Variants in ATP4A observed in about 807,000 individuals in gnomAD.
ATP4A encodes potassium-transporting ATPase alpha chain 1.
In ATP4A, 73 loss-of-function variants were observed where a neutral mutation model predicts 112.1. The observed-to-expected ratio is 0.65, with a 90% CI of 0.54 to 0.79. The LOEUF is 0.79. Among genes scored for constraint, ATP4A ranks in the 30% least tolerant of loss-of-function variants. ATP4A has a pLI of 0.00. For synonymous variants in ATP4A, 588 were observed against 588.9 expected, an observed-to-expected ratio of 1.00 and a Z score of 0.02; for missense variants, 1,081 against 1,425.9, an observed-to-expected ratio of 0.76 and a Z score of 3.90.
rs776042864 is a variant in ATP4A at position 35,560,631 on chromosome 19, A to G, written c.535-16T>C. On this transcript the variant is annotated splice_polypyrimidine_tract_variant and intron_variant, in intron 5 of 21. Transcript: ENST00000262623. This position sits in a 1 kb window ranked among gnomAD's most constrained non-coding sequence, Gnocchi z 5.1. Reference sequence around the variant, plus strand: ...CAGTGGCTTGCTGCGGGGCAGGGGCACCAAAGTTGAGGTGGACGGGGGTGG... The same window carrying G: ...CAGTGGCTTGCTGCGGGGCAGGGGCGCCAAAGTTGAGGTGGACGGGGGTGG... 1.1e-5 allele frequency: 18 copies of G among 1,586,124 alleles called. No individual in the cohort carries two copies. In the South Asian group the frequency reaches 1.8e-4, roughly 16 times the overall value.
chr19:35,557,694 C>A lies in ATP4A; in HGVS notation c.1654G>T (p.Ala552Ser). 1 of 1,609,280 alleles carries A rather than the reference C, an allele frequency of 6.2e-7. No individual in the cohort carries two copies. Among genetic ancestry groups the A allele is most frequent in the Non-Finnish European group, 8.5e-7 (1 of 1,178,522 alleles). ...DEQWREAFQT[A>S]YLSLGGLGER... ...CCCAGGCCTCCCAGGCTGAGGTAGGCGGTCTGGAAGGCCTCGCGCCACTGC... is the reference window on the plus strand; with the variant it reads ...CCCAGGCCTCCCAGGCTGAGGTAGGAGGTCTGGAAGGCCTCGCGCCACTGC... Residue 552 changes from alanine to serine, a missense_variant, in exon 11 of 22, where the codon GCC becomes TCC. Ala to Ser is a moderately conservative substitution (Grantham distance 99). This residue lies in a region of ATP4A where 850 missense variants were observed against 1,068.2 expected (regional missense o/e 0.80). Transcript: ENST00000262623. The surrounding 1 kb of genome is among the most constrained non-coding windows in gnomAD (Gnocchi z 4.4).
rs1423458061 is a variant in ATP4A, at chr19:35,559,649, ACT to A, written c.1056+154_1056+155del. On this transcript the variant is annotated intron_variant, in intron 7 of 21. Transcript: ENST00000262623. This position sits in a 1 kb window ranked among gnomAD's most constrained non-coding sequence, Gnocchi z 4.1. ...TTGCCCCAGGGTTGCCTCGGGAAGGACTTGCTGAATGAGTGGATGATGGGAAG... is the reference window on the plus strand; with the variant it reads ...TTGCCCCAGGGTTGCCTCGGGAAGGATGCTGAATGAGTGGATGATGGGAAG... 6.6e-6 allele frequency among the ~76,000 whole-genome samples: 1 copy of A among 152,202 alleles called. No individual in the cohort carries two copies. The highest frequency in any genetic ancestry group is 1.5e-5 in the Non-Finnish European group (1 of 68,028).
rs1156765411 is a variant in ATP4A at position 35,553,941 on chromosome 19, G to T, written c.2482-112C>A. On this transcript the variant is annotated intron_variant, in intron 16 of 21. Coordinates refer to ENST00000262623, the MANE Select transcript of ATP4A (RefSeq NM_000704.3). ...GCAGGAACAGGACTGAGGTTAGCAGGCAGGACCTGCAGGGACGGCACAGCC... is the reference window on the plus strand; with the variant it reads ...GCAGGAACAGGACTGAGGTTAGCAGTCAGGACCTGCAGGGACGGCACAGCC... The T allele has an allele frequency of 3.5e-6, 5 of 1,411,380 alleles. No homozygotes were observed. The Admixed American group carries it at 1.2e-4, about 33-fold the overall frequency. The allele number at this position is 1,411,380 out of a possible 1,614,324, so 87.4% of individuals were successfully genotyped here. A position where few individuals can be genotyped will look rare whatever the true frequency, so the allele number is the denominator to read the frequency against.
chr19:35,557,777 C>A lies in ATP4A; in HGVS notation c.1571G>T (p.Arg524Leu). The A allele has an allele frequency of 6.3e-7, 1 of 1,582,384 alleles. No homozygotes were observed. The highest frequency in any genetic ancestry group is 8.6e-7 in the Non-Finnish European group (1 of 1,158,944). The change falls in exon 11 of 22, where the codon CGC becomes CTC. Residue 524 changes from arginine (R) to leucine (L), a missense_variant. This residue lies in a region of ATP4A where 850 missense variants were observed against 1,068.2 expected (regional missense o/e 0.80). Coordinates refer to ENST00000262623, the MANE Select transcript of ATP4A (RefSeq NM_000704.3). This position sits in a 1 kb window ranked among gnomAD's most constrained non-coding sequence, Gnocchi z 4.4. ...GATGGAGCTGCAGCGCTCCAGCACG[C>A]GCTCGGGGGCGCCCTTCATCACCAG... ...HLLVMKGAPE[R>L]VLERCSSILI...
intron 17 of ATP4A, 61 bp from the exon 18 acceptor site, chr19:35,553,243 AG>A: frequency 6.5e-7 from 1 of 1,540,698 alleles, no homozygotes; most frequent in Non-Finnish European, 8.8e-7. Context: ...GGACACAGGA[AG>A]AGAGGGACAT....
rs778443222 is a variant in ATP4A at position 35,554,978 on chromosome 19, C to T, written c.2425G>A (p.Val809Met). 5.5e-5 allele frequency: 88 copies of T among 1,613,986 alleles called. No individual in the cohort carries two copies. The highest frequency in any genetic ancestry group is 6.7e-5 in the Admixed American group (4 of 60,002). Residue 809 changes from valine to methionine, a missense_variant, in exon 16 of 22, where the codon GTG becomes ATG. Coordinates refer to ENST00000262623, the MANE Select transcript of ATP4A (RefSeq NM_000704.3). ...GTGATGCACCCGAGGGGCAGGGGCACGCTGACGGTGATGTAGATGAGGTAG... is the reference window on the plus strand; with the variant it reads ...GTGATGCACCCGAGGGGCAGGGGCATGCTGACGGTGATGTAGATGAGGTAG... ...TPYLIYITVS[V>M]PLPLGCITIL...
rs1409742584 is a variant in ATP4A at position 35,563,324 on chromosome 19, G to A, written c.157-56C>T. On this transcript the variant is annotated intron_variant, in intron 2 of 21. Coordinates refer to ENST00000262623, the MANE Select transcript of ATP4A (RefSeq NM_000704.3). Reference sequence around the variant, plus strand: ...TCTGGGCTCTCCTGGCCCCCTCCCCGCCCACTGCCTGGTTCCCAGCCTACC... The same window carrying A: ...TCTGGGCTCTCCTGGCCCCCTCCCCACCCACTGCCTGGTTCCCAGCCTACC... 6.7e-5 allele frequency: 86 copies of A among 1,286,264 alleles called. 1 individual carries two copies. Among genetic ancestry groups the A allele is most frequent in the South Asian group, 3.1e-4 (25 of 79,874 alleles). 79.7% of individuals were successfully genotyped at this position (1,286,264 alleles called of 1,614,324 possible). A position where few individuals can be genotyped will look rare whatever the true frequency, so the allele number is the denominator to read the frequency against.
chr19:35,562,307 G>T, intron 4 of ATP4A, 128 bp downstream of exon 4: 1 of 1,151,992 alleles, frequency 8.7e-7, no homozygotes, highest in East Asian at 2.6e-5. Flanking sequence ...CATGACCCCT[G>T]TCTTGAGACT....
Position 35,551,496 on chromosome 19 carries a change from G to C in ATP4A, c.2836C>G (p.Leu946Val). The C allele has an allele frequency of 1.2e-6, 2 of 1,614,124 alleles. No individual in the cohort carries two copies. Among genetic ancestry groups the C allele is most frequent in the Admixed American group, 1.7e-5 (1 of 60,028 alleles). ...GAGAGACGGCGCGTCTTGCGGATGA[G>C]GACATCGGCGATCTGGCACACCTCA... ...SIEVCQIADV[L>V]IRKTRRLSAF... The change falls in exon 19 of 22, where the codon CTC (leucine) becomes GTC (valine). Residue 946 changes from leucine (L) to valine (V), a missense_variant. Physicochemically the swap from Leu to Val is conservative, Grantham distance 32 (BLOSUM62 1). Transcript: ENST00000262623. This position sits in a 1 kb window ranked among gnomAD's most constrained non-coding sequence, Gnocchi z 5.2.
In ATP4A at chr19:35,559,035, C is replaced by G; in HGVS notation, c.1213G>C (p.Asp405His). The change falls in exon 8 of 22, where the codon GAC becomes CAC. Residue 405 changes from aspartate (D) to histidine (H), a missense_variant. Transcript: ENST00000262623. The surrounding 1 kb of genome is among the most constrained non-coding windows in gnomAD (Gnocchi z 4.1). ...GTGTCAGCTGTGTGGATGTGGTTGT[C>G]AAACCACAGATGGGACACAGTCATG... ...NRMTVSHLWF[D>H]NHIHTADTTE... 1 of 1,614,206 alleles carries G rather than the reference C, an allele frequency of 6.2e-7. No homozygotes were observed. The highest frequency in any genetic ancestry group is 8.5e-7 in the Non-Finnish European group (1 of 1,180,028).
intron 4 of ATP4A, among the ~76,000 whole-genome samples, chr19:35,562,232 C>T (rs919526567): frequency 6.6e-6 from 1 of 152,030 alleles, no homozygotes; most frequent in African/African-American, 2.4e-5. Context: ...CAAGATTCAC[C>T]CCAGTGTCCC....
Position 35,558,657 on chromosome 19 carries a change from A to C in ATP4A, c.1285T>G (p.Trp429Gly). The change falls in exon 9 of 22, where the codon TGG (tryptophan) becomes GGG (glycine). Residue 429 changes from tryptophan (W) to glycine (G), a missense_variant. Physicochemically the swap from Trp to Gly is radical, Grantham distance 184. Around this residue, in one of 3 missense-constraint regions of ATP4A, gnomAD observed 850 missense variants for 1,068.2 expected, o/e 0.80. Transcript: ENST00000262623. The surrounding 1 kb of genome is among the most constrained non-coding windows in gnomAD (Gnocchi z 5.1). The part of the protein sequence containing the change: ...GQTFDQSSET[W>G]RALCRVLTLC... ...GTGAGCACCCGGCACAGCGCCCGCC[A>C]CGTCTCCGAGGACTGGTCAAACGTC... 2 of 1,602,724 alleles carry C rather than the reference A, an allele frequency of 1.2e-6. No homozygotes were observed. Among genetic ancestry groups the C allele is most frequent in the Non-Finnish European group, 1.7e-6 (2 of 1,176,396 alleles).
At position 35,558,144 on chromosome 19, in the gene ATP4A, A is replaced by C. The variant is rs900634782; in HGVS notation, c.1500+218T>G. ...TTGGAGAGCGAGGTGCTCCCCATGG[A>C]CAGTCCCGCCGAGGAGAAGCTGTGG... On this transcript the variant is annotated intron_variant, in intron 10 of 21. Coordinates refer to ENST00000262623, the MANE Select transcript of ATP4A (RefSeq NM_000704.3). This position sits in a 1 kb window ranked among gnomAD's most constrained non-coding sequence, Gnocchi z 5.1. The C allele has an allele frequency of 1.5e-6, 1 of 668,212 alleles. No individual in the cohort carries two copies. The allele number at this position is 668,212 out of a possible 1,614,324, so 41.4% of individuals were successfully genotyped here. A position where few individuals can be genotyped will look rare whatever the true frequency, so the allele number is the denominator to read the frequency against.
chr19:35,560,660 T>TGGGGGGTGGGGGG lies in ATP4A; in HGVS notation c.535-46_535-45insCCCCCCACCCCCC. On this transcript the variant is annotated intron_variant, in intron 5 of 21. Transcript: ENST00000262623. The surrounding 1 kb of genome is among the most constrained non-coding windows in gnomAD (Gnocchi z 5.1). ...AAGTTGAGGTGGACGGGGGTGGGGG[T>TGGGGGGTGGGGGG]GGGAGCTGCTGCATGTGGGGAGGTA... 2.7e-6 allele frequency: 2 copies of TGGGGGGTGGGGGG among 733,688 alleles called. No individual in the cohort carries two copies. Among genetic ancestry groups the TGGGGGGTGGGGGG allele is most frequent in the South Asian group, 1.7e-5 (1 of 57,572 alleles). The allele number at this position is 733,688 out of a possible 1,614,324, so 45.4% of individuals were successfully genotyped here.
chr19:35,558,342 G>A lies in ATP4A; in HGVS notation c.1500+20C>T. The A allele has an allele frequency of 1.9e-6, 3 of 1,602,380 alleles. No individual in the cohort carries two copies. Among genetic ancestry groups the A allele is most frequent in the Non-Finnish European group, 2.6e-6 (3 of 1,174,864 alleles). The stretch of plus-strand genomic sequence containing the variant: ...CCCGAGGTGGGCGGGCCCAGGCCGT[G>A]GGCGGGGCCGGCTGCGCACCTGGAA... On this transcript the variant is annotated intron_variant, in intron 10 of 21. Transcript: ENST00000262623. The surrounding 1 kb of genome is among the most constrained non-coding windows in gnomAD (Gnocchi z 5.1).
chr19:35,559,938 C>T lies in ATP4A; in HGVS notation c.923G>A (p.Gly308Asp). 1.2e-6 allele frequency: 2 copies of T among 1,614,220 alleles called. No homozygotes were observed. Among genetic ancestry groups the T allele is most frequent in the Non-Finnish European group, 1.7e-6 (2 of 1,180,042 alleles). ...TGTGGCACCGAAGAGAATGGCCAGG[C>T]CCGCGATGATGTCCACAAAATGCTC... is the stretch of plus-strand genomic sequence containing the variant. ...EIEHFVDIIA[G>D]LAILFGATFF... The change falls in exon 7 of 22, where the codon GGC becomes GAC. Residue 308 changes from glycine to aspartate, a missense_variant. This residue lies in a region of ATP4A where 850 missense variants were observed against 1,068.2 expected (regional missense o/e 0.80). Transcript: ENST00000262623. The surrounding 1 kb of genome is among the most constrained non-coding windows in gnomAD (Gnocchi z 4.1).
In ATP4A at chr19:35,556,164, G is replaced by C. The variant is rs542387030; in HGVS notation, c.1870-352C>G. ...TGTAAGAGGTGAGAGAGTCAGCCAC[G>C]TGGAAAGCTGGGAGAAGAGTGCTCC... is the stretch of plus-strand genomic sequence containing the variant. On this transcript the variant is annotated intron_variant, in intron 12 of 21. Coordinates refer to ENST00000262623, the MANE Select transcript of ATP4A (RefSeq NM_000704.3). Among the ~76,000 whole-genome samples the C allele has an allele frequency of 2.0e-5, 3 of 152,322 alleles. No homozygotes were observed. The South Asian group carries it at 6.2e-4, about 32-fold the overall frequency.
chr19:35,559,672 G>C lies in ATP4A; in HGVS notation c.1056+133C>G. The C allele has an allele frequency of 6.5e-6, 9 of 1,380,042 alleles. No individual in the cohort carries two copies. The highest frequency in any genetic ancestry group is 8.7e-6 in the Non-Finnish European group (9 of 1,030,374). 85.5% of individuals were successfully genotyped at this position (1,380,042 alleles called of 1,614,324 possible). ...GGACTTGCTGAATGAGTGGATGATG[G>C]GAAGGCAGGAGAATGGATGGGAGCT... On this transcript the variant is annotated intron_variant, in intron 7 of 21. Transcript: ENST00000262623. This position sits in a 1 kb window ranked among gnomAD's most constrained non-coding sequence, Gnocchi z 4.1.
At chr19:35,561,540 T>C (rs2146312259) in intron 4 of ATP4A, among the ~76,000 whole-genome samples, 1 of 152,122 alleles carries the variant, frequency 6.6e-6, no homozygotes, top group East Asian at 1.9e-4. Flanking sequence ...TCTGTGTATC[T>C]CCGAGTTCCC....
Sources: gnomAD v4.1 joint callset for allele counts (sites outside exome capture counted in the v4.1 genomes callset) on GRCh38, gnomAD v4.1.1 for gene constraint, gnomAD v4.1.1 regional missense constraint, Gnocchi (gnomAD v3.1) non-coding constraint, MANE v1.5 for transcripts, NCBI Gene and HGNC (gene_info 2026-07-23, HGNC 2026-07-21) for gene names.